MGAT5: variants seen among roughly 807,000 people sequenced by gnomAD.
The protein encoded by MGAT5 is alpha-1,6-mannosylglycoprotein 6-beta-N-acetylglucosaminyltransferase A.
In MGAT5, 30 loss-of-function variants were observed where a neutral mutation model predicts 94.3. The observed-to-expected ratio is 0.32, with a 90% CI of 0.24 to 0.43. MGAT5 has a LOEUF of 0.43. MGAT5 is among the 20% of genes least tolerant of loss of function. The pLI, the probability that MGAT5 is intolerant of heterozygous loss-of-function variation, is 1.00. For missense variants in MGAT5, 691 were observed against 905.5 expected, an observed-to-expected ratio of 0.76 and a Z score of 3.04; for synonymous variants, 310 against 322.9, an observed-to-expected ratio of 0.96 and a Z score of 0.43.
chr2:134,235,192 C>G (rs866731109), intron 1 of MGAT5, among the ~76,000 whole-genome samples: 34 of 152,184 alleles, frequency 2.2e-4, no homozygotes, highest in Non-Finnish European at 3.5e-4. Flanking sequence ...CCCTGTCTCC[C>G]CTGCCATGCT....
intron 4 of MGAT5, among the ~76,000 whole-genome samples, chr2:134,331,452 C>A (rs932120040): frequency 6.6e-6 from 1 of 152,072 alleles, no homozygotes; most frequent in Non-Finnish European, 1.5e-5. Flanking sequence ...TCTCCTCAAT[C>A]GATTGTTGTG....
At chr2:134,182,781 T>TTTG in intron 1 of MGAT5, among the ~76,000 whole-genome samples, 1 of 52,226 alleles carries the variant, frequency 1.9e-5, no homozygotes, top group East Asian at 5.5e-4. Context: ...AGAAGATTAG[T>TTTG]TTTTTTTTTT....
chr2:134,381,494 CCAGA>C (rs538747520), intron 10 of MGAT5, among the ~76,000 whole-genome samples: 137 of 143,472 alleles, frequency 9.5e-4, no homozygotes, highest in Middle Eastern at 3.6e-3. Context: ...AATAGACAGA[CCAGA>C]CAGACAGACA....
intron 1 of MGAT5, among the ~76,000 whole-genome samples, chr2:134,257,718 A>G (rs1206273528): frequency 1.3e-5 from 2 of 152,052 alleles, no homozygotes; most frequent in Non-Finnish European, 2.9e-5. Flanking sequence ...ATTGTGTGAC[A>G]TGCAGGCAGC....
At chr2:134,390,236 C>A (rs1682317007) in intron 10 of MGAT5, among the ~76,000 whole-genome samples, 2 of 152,178 alleles carry the variant, frequency 1.3e-5, no homozygotes, top group African/African-American at 4.8e-5. Context: ...TCTCGTGCAT[C>A]CCCTTTTTGA....
chr2:134,164,638 C>A (rs932629430), intron 1 of MGAT5, among the ~76,000 whole-genome samples: 1 of 152,096 alleles, frequency 6.6e-6, no homozygotes, highest in South Asian at 2.1e-4. Flanking sequence ...CCTATGAGGT[C>A]AGTCTACTTA....
chr2:134,318,526 C>G (rs776161814), intron 3 of MGAT5, 124 bp from the exon 4 acceptor site: 1 of 710,012 alleles, frequency 1.4e-6, no homozygotes, highest in Non-Finnish European at 2.5e-6. Context: ...GACCCTGTCA[C>G]TCAGTTCTTT....
chr2:134,356,772 C>G (rs555127760), intron 9 of MGAT5, among the ~76,000 whole-genome samples: 4 of 152,268 alleles, frequency 2.6e-5, no homozygotes, highest in Admixed American at 2.6e-4. Context: ...GCACACTCCC[C>G]CTCAGGACCT....
intron 1 of MGAT5, among the ~76,000 whole-genome samples, chr2:134,213,946 TC>T (rs1040174475): frequency 2.0e-5 from 3 of 151,988 alleles, no homozygotes; most frequent in African/African-American, 7.2e-5. Flanking sequence ...CACCCTTTCT[TC>T]CCTCCCCAGA....
chr2:134,145,328 C>G (rs1381415300), intron 1 of MGAT5, among the ~76,000 whole-genome samples: 2 of 151,998 alleles, frequency 1.3e-5, no homozygotes, highest in Non-Finnish European at 2.9e-5. Flanking sequence ...AGGCAGATCA[C>G]GAAGTCAGGA....
intron 1 of MGAT5, among the ~76,000 whole-genome samples, chr2:134,201,319 T>A (rs1385013096): frequency 6.6e-6 from 1 of 152,130 alleles, no homozygotes. Context: ...TTTTGTTCTC[T>A]TTGAGCTGGT....
Position 134,324,005 on chromosome 2 carries a change from CT to C in MGAT5, c.573+5270del, listed in dbSNP as rs1354048466. 2.0e-5 allele frequency among the ~76,000 whole-genome samples: 3 copies of C among 152,232 alleles called. No individual in the cohort carries two copies. In the East Asian group the frequency reaches 5.8e-4, roughly 29 times the overall value. ...ATATTAACTTAACCATCTGCAGAGC[CT>C]TTTACTGCTATCAGCTTTTACAAAA... On this transcript the variant is annotated intron_variant, in intron 4 of 15. Transcript: ENST00000281923.
chr2:134,392,926 C>T (rs912647123), intron 10 of MGAT5, among the ~76,000 whole-genome samples: 5 of 152,166 alleles, frequency 3.3e-5, no homozygotes, highest in Non-Finnish European at 7.3e-5. Flanking sequence ...CTGCCCCACA[C>T]CACACGAAGG....
chr2:134,444,217 G>A (rs6761100), intron 15 of MGAT5, among the ~76,000 whole-genome samples: 13,218 of 152,222 alleles, frequency 0.087, 869 homozygotes, highest in East Asian at 0.17. Context: ...GAGTAGGCCC[G>A]AGGCCACTGA....
At chr2:134,412,022 T>C (rs904723570) in intron 11 of MGAT5, among the ~76,000 whole-genome samples, 3 of 152,196 alleles carry the variant, frequency 2.0e-5, no homozygotes, top group Non-Finnish European at 2.9e-5. Flanking sequence ...CAGTGTGAAG[T>C]ACACCCACTG....
chr2:134,332,789 C>A (rs1338238001), intron 4 of MGAT5, among the ~76,000 whole-genome samples: 5 of 152,222 alleles, frequency 3.3e-5, no homozygotes, highest in African/African-American at 1.2e-4. Context: ...TGAACAGGCA[C>A]TTCTCAAAAG....
intron 15 of MGAT5, among the ~76,000 whole-genome samples, chr2:134,443,923 C>T (rs538207603): frequency 1.3e-3 from 197 of 152,254 alleles, no homozygotes; most frequent in African/African-American, 4.6e-3. Context: ...CTGAACAGCA[C>T]GGCTTCCTTC....
intron 4 of MGAT5, among the ~76,000 whole-genome samples, chr2:134,324,554 TA>T (rs1444176428): frequency 6.6e-6 from 1 of 152,118 alleles, no homozygotes; most frequent in African/African-American, 2.4e-5. Flanking sequence ...GTTGAAAGCT[TA>T]AATGTTTGTG....
At chr2:134,336,317 A>C in intron 5 of MGAT5, 29 bp downstream of exon 5, 1 of 1,585,700 alleles carries the variant, frequency 6.3e-7, no homozygotes, top group Non-Finnish European at 8.7e-7. Context: ...CTCTTTCTAG[A>C]CTTGTGCATT....
Sources: gnomAD v4.1 joint callset for allele counts (sites outside exome capture counted in the v4.1 genomes callset) on GRCh38, gnomAD v4.1.1 for gene constraint, MANE v1.5 for transcripts, NCBI Gene and HGNC (gene_info 2026-07-23, HGNC 2026-07-21) for gene names.